The following UTP20 variants were observed in gnomAD, a reference collection of about 807,000 sequenced individuals.
UTP20 encodes the protein UTP20 small subunit processome component.
UTP20 carries 164 observed loss-of-function variants against 329.5 expected under a neutral mutation model. That is an observed-to-expected ratio of 0.50 (90% CI 0.44 to 0.57). UTP20 has a LOEUF of 0.57. Among genes scored for constraint, UTP20 ranks in the 20% least tolerant of loss-of-function variants. The pLI is 0.00. For missense variants in UTP20, 3,055 were observed against 3,284.2 expected (o/e 0.93, Z 1.71); for synonymous variants, 1,151 against 1,159.3 (o/e 0.99, Z 0.14).
At position 101,336,466 on chromosome 12, in the gene UTP20, C is replaced by G. The variant is rs894771802; in HGVS notation, c.3642-1585C>G. 2.0e-5 allele frequency among the ~76,000 whole-genome samples: 3 copies of G among 152,270 alleles called. No individual in the cohort carries two copies. In the East Asian group the frequency reaches 5.8e-4, roughly 29 times the overall value. Reference sequence around the variant, plus strand: ...GCAAAAACTTATTAATTAGGGTGAACATGTACTTTTTTGTCCAAACTGAAA... The same window carrying G: ...GCAAAAACTTATTAATTAGGGTGAAGATGTACTTTTTTGTCCAAACTGAAA... On this transcript the variant is annotated intron_variant, in intron 29 of 61. Coordinates refer to ENST00000261637, the MANE Select transcript of UTP20 (RefSeq NM_014503.3).
chr12:101,348,225 T>C (rs1356162948), intron 38 of UTP20, among the ~76,000 whole-genome samples: 1 of 152,240 alleles, frequency 6.6e-6, no homozygotes, highest in African/African-American at 2.4e-5. Context: ...TCTTGTTTTT[T>C]ATCCAGTCCA....
chr12:101,348,767 A>G (rs147241533), intron 38 of UTP20, among the ~76,000 whole-genome samples: 3,417 of 123,244 alleles, frequency 0.028, 137 homozygotes, highest in African/African-American at 0.1. Flanking sequence ...TTGGAGAGAC[A>G]GGGTCTCCTT....
chr12:101,289,392 T>TAC (rs1278545632), intron 6 of UTP20, among the ~76,000 whole-genome samples: 2 of 100,354 alleles, frequency 2.0e-5, no homozygotes, highest in African/African-American at 3.6e-5. Context: ...CACACACACA[T>TAC]ACACACACAC....
chr12:101,286,297 C>A, intron 4 of UTP20, 24 bp from the exon 5 acceptor site: 2 of 1,540,828 alleles, frequency 1.3e-6, no homozygotes, highest in South Asian at 2.6e-5. Flanking sequence ...TCCACATGAT[C>A]AGTTGCTTCT....
chr12:101,298,139 C>T (rs908359048), intron 12 of UTP20, among the ~76,000 whole-genome samples: 1 of 152,194 alleles, frequency 6.6e-6, no homozygotes, highest in Non-Finnish European at 1.5e-5. Context: ...GATAAACTTA[C>T]TGTCGTTTGA....
intron 38 of UTP20, among the ~76,000 whole-genome samples, chr12:101,349,389 A>C (rs1869442245): frequency 6.7e-6 from 1 of 149,516 alleles, no homozygotes; most frequent in Non-Finnish European, 1.5e-5. Flanking sequence ...AGTTTGCATC[A>C]AACTTGAAAA....
At chr12:101,285,546 A>G in intron 2 of UTP20, 24 bp from the exon 3 acceptor site, 3 of 1,610,644 alleles carry the variant, frequency 1.9e-6, no homozygotes, top group Non-Finnish European at 2.5e-6. Context: ...TTATTTGATT[A>G]ATGGACTGCT....
At chr12:101,290,361 G>C in intron 7 of UTP20, 87 bp downstream of exon 7, 3 of 1,454,030 alleles carry the variant, frequency 2.1e-6, no homozygotes, top group Non-Finnish European at 2.7e-6. Context: ...GTGGAGGGAA[G>C]ACAGCCTAGA....
At chr12:101,325,141 A>G (rs543272472) in intron 25 of UTP20, among the ~76,000 whole-genome samples, 188 of 152,308 alleles carry the variant, frequency 1.2e-3, no homozygotes, top group South Asian at 8.9e-3. Context: ...TCAGAATATA[A>G]TAGAAAGTCC....
At chr12:101,379,281 C>T (rs1456588509) in intron 56 of UTP20, 90 bp from the exon 57 acceptor site, 1 of 1,259,942 alleles carries the variant, frequency 7.9e-7, no homozygotes, top group African/African-American at 1.5e-5. Context: ...ACTCCAAACA[C>T]ATAATACTCT....
chr12:101,359,773 C>T (rs1298540433), intron 43 of UTP20, among the ~76,000 whole-genome samples: 1 of 152,108 alleles, frequency 6.6e-6, no homozygotes, highest in African/African-American at 2.4e-5. Flanking sequence ...CCCACTCTGC[C>T]ATGTGCCTCC....
intron 28 of UTP20, among the ~76,000 whole-genome samples, chr12:101,333,810 T>G (rs913040618): frequency 4.9e-4 from 75 of 152,328 alleles, no homozygotes; most frequent in African/African-American, 1.7e-3. Context: ...ATTACAGCCA[T>G]GCACCACAAT....
intron 2 of UTP20, among the ~76,000 whole-genome samples, chr12:101,283,618 A>G (rs1871866669): frequency 2.0e-5 from 3 of 152,234 alleles, no homozygotes; most frequent in Admixed American, 2.0e-4. Context: ...TGCGTTCTGC[A>G]TTTAAGTTTT....
chr12:101,289,711 C>G (rs1357964820), intron 6 of UTP20, among the ~76,000 whole-genome samples: 1 of 151,960 alleles, frequency 6.6e-6, no homozygotes, highest in Admixed American at 6.6e-5. Context: ...CTAATAGTTT[C>G]CTGGAAGTAA....
chr12:101,288,307 A>T (rs1189759523), intron 5 of UTP20, among the ~76,000 whole-genome samples: 4 of 152,244 alleles, frequency 2.6e-5, no homozygotes, highest in African/African-American at 9.6e-5. Context: ...CCCTTCTATC[A>T]TTAGGGAGAC....
intron 52 of UTP20, 119 bp from the exon 53 acceptor site, chr12:101,373,280 CAG>C (rs1286755624): frequency 2.6e-5 from 24 of 934,952 alleles, no homozygotes; most frequent in Middle Eastern, 2.7e-4. Flanking sequence ...ATTAGGAAAA[CAG>C]AGCATTTTCC....
chr12:101,319,660 T>C (rs1873086120), intron 23 of UTP20, 25 bp downstream of exon 23: 2 of 1,553,034 alleles, frequency 1.3e-6, no homozygotes, highest in Non-Finnish European at 1.7e-6. Flanking sequence ...CTCTTGGCAT[T>C]ATAATTCTTT....
intron 21 of UTP20, among the ~76,000 whole-genome samples, chr12:101,317,265 A>G (rs1382528731): frequency 1.3e-5 from 2 of 152,246 alleles, no homozygotes; most frequent in African/African-American, 2.4e-5. Flanking sequence ...GGAATGGGCT[A>G]TCTTCTACAG....
In UTP20 at chr12:101,333,307, C is replaced by G. The variant is rs745522226; in HGVS notation, c.3424C>G (p.Leu1142Val). ...GAAGATCTTTGTTTTACAGATACAGCTGAGATTTATTAATCCATTGAAAAA... is the reference window on the plus strand; with the variant it reads ...GAAGATCTTTGTTTTACAGATACAGGTGAGATTTATTAATCCATTGAAAAA... ...HILDQREKIQLRFINPLKNLR... is the reference protein window; with the variant it reads ...HILDQREKIQVRFINPLKNLR... The change falls in exon 28 of 62, where the codon CTG (leucine) becomes GTG (valine). Residue 1142 changes from leucine to valine, a missense_variant. By Grantham distance (32) the Leu-to-Val change is conservative. Transcript: ENST00000261637. 2 of 1,613,064 alleles carry G rather than the reference C, an allele frequency of 1.2e-6. No individual in the cohort carries two copies. The highest frequency in any genetic ancestry group is 1.7e-6 in the Non-Finnish European group (2 of 1,179,542).
Sources: gnomAD v4.1 joint callset for allele counts (sites outside exome capture counted in the v4.1 genomes callset) on GRCh38, gnomAD v4.1.1 for gene constraint, MANE v1.5 for transcripts, NCBI Gene and HGNC (gene_info 2026-07-23, HGNC 2026-07-21) for gene names.